NUP98: variants seen among roughly 807,000 people sequenced by gnomAD.
The protein encoded by NUP98 is nucleoporin 98 and 96 precursor.
Under a neutral mutation model 191.9 loss-of-function variants are expected in NUP98, and 26 were observed. That is an observed-to-expected ratio of 0.14 (90% confidence interval 0.10 to 0.19). The LOEUF is 0.19. Ranked by LOEUF, NUP98 falls within the 10% of genes least tolerant of loss-of-function variation. The pLI is 1.00. For synonymous variants in NUP98, 808 were observed against 778.4 expected (o/e 1.04, Z -0.63); for missense variants, 1,941 against 2,178.8 (o/e 0.89, Z 2.17).
intron 8 of NUP98, among the ~76,000 whole-genome samples, chr11:3,763,754 C>T (rs1371620783): frequency 6.6e-6 from 1 of 152,014 alleles, no homozygotes; most frequent in Non-Finnish European, 1.5e-5. Context: ...TCACAATGTG[C>T]CCAGGCTGGT....
At chr11:3,701,822 T>C (rs1419695661) in intron 23 of NUP98, among the ~76,000 whole-genome samples, 2 of 151,438 alleles carry the variant, frequency 1.3e-5, no homozygotes, top group African/African-American at 4.8e-5. Context: ...ACTAGCTGGG[T>C]CTACAGGCGC....
chr11:3,679,815 G>T, intron 30 of NUP98, 107 bp from the exon 31 acceptor site: 1 of 1,093,204 alleles, frequency 9.1e-7, no homozygotes. Flanking sequence ...ATGTTGGCTG[G>T]ACTTCAGAAG....
chr11:3,680,208 T>G (rs952562945), intron 30 of NUP98, among the ~76,000 whole-genome samples: 1 of 152,202 alleles, frequency 6.6e-6, no homozygotes, highest in African/African-American at 2.4e-5. Context: ...CAAACCCAGC[T>G]GCTGCTTTAT....
intron 2 of NUP98, among the ~76,000 whole-genome samples, chr11:3,779,855 C>T (rs1221664131): frequency 1.3e-5 from 2 of 148,458 alleles, no homozygotes; most frequent in African/African-American, 2.5e-5. Context: ...TGGCCGGGCA[C>T]GGTGGCTCAC....
intron 14 of NUP98, among the ~76,000 whole-genome samples, chr11:3,729,193 T>C (rs1458813699): frequency 1.3e-5 from 2 of 152,058 alleles, no homozygotes; most frequent in Non-Finnish European, 2.9e-5. Context: ...TGAGAATAAA[T>C]TGAAGCACTT....
At chr11:3,749,338 T>A (rs1057224311) in intron 11 of NUP98, among the ~76,000 whole-genome samples, 32 of 148,056 alleles carry the variant, frequency 2.2e-4, no homozygotes, top group Admixed American at 4.7e-4. Context: ...ATAAATAAAT[T>A]AAGAGGCCGG....
chr11:3,695,164 A>G (rs1182969928), intron 26 of NUP98, among the ~76,000 whole-genome samples: 1 of 152,212 alleles, frequency 6.6e-6, no homozygotes, highest in Non-Finnish European at 1.5e-5. Flanking sequence ...CCCTATCTCA[A>G]AAAAATTAAT....
chr11:3,729,617 G>GAGGT (rs1245607187), intron 14 of NUP98, among the ~76,000 whole-genome samples: 1 of 145,586 alleles, frequency 6.9e-6, no homozygotes, highest in Non-Finnish European at 1.5e-5. Flanking sequence ...CTTGGGAACT[G>GAGGT]AGGTGGGAGG....
At chr11:3,714,227 C>T (rs1286811064) in intron 18 of NUP98, among the ~76,000 whole-genome samples, 1 of 152,162 alleles carries the variant, frequency 6.6e-6, no homozygotes, top group Non-Finnish European at 1.5e-5. Context: ...ATTTAAATTA[C>T]CATGGTACAT....
At chr11:3,771,009 C>G (rs2081513371) in intron 7 of NUP98, among the ~76,000 whole-genome samples, 1 of 152,090 alleles carries the variant, frequency 6.6e-6, no homozygotes, top group Admixed American at 6.6e-5. Context: ...ATTACAGGTG[C>G]TTGTCACCAC....
Position 3,720,828 on chromosome 11 carries a change from G to GT in NUP98, c.2147-4dup. The GT allele has an allele frequency of 5.4e-6, 3 of 555,546 alleles. No homozygotes were observed. Among genetic ancestry groups the GT allele is most frequent in the East Asian group, 4.0e-5 (1 of 25,132 alleles). 34.4% of individuals were successfully genotyped at this position (555,546 alleles called of 1,614,324 possible). A position where few individuals can be genotyped will look rare whatever the true frequency, so the allele number is the denominator to read the frequency against. On this transcript the variant is annotated splice_polypyrimidine_tract_variant and splice_region_variant and intron_variant, in intron 16 of 32. Coordinates refer to ENST00000324932, the MANE Select transcript of NUP98 (RefSeq NM_016320.5). ...ACCAACCTTAGTGAGAATAATACCT[G>GT]TGACAAAAAAAAAAAAAAAAACAGA... is the stretch of plus-strand genomic sequence containing the variant.
At chr11:3,795,132 G>A (rs563612454) in intron 1 of NUP98, among the ~76,000 whole-genome samples, 43 of 152,076 alleles carry the variant, frequency 2.8e-4, no homozygotes, top group Non-Finnish European at 4.4e-4. Flanking sequence ...AGTTATCTAG[G>A]ACCTAGTAGA....
intron 7 of NUP98, among the ~76,000 whole-genome samples, chr11:3,768,985 G>A (rs145128140): frequency 2.5e-3 from 378 of 152,226 alleles, no homozygotes; most frequent in African/African-American, 8.6e-3. Flanking sequence ...ATCTTCCCTT[G>A]TAAGTCCACA....
At chr11:3,703,406 C>T (rs921478251) in intron 22 of NUP98, among the ~76,000 whole-genome samples, 2 of 152,026 alleles carry the variant, frequency 1.3e-5, no homozygotes, top group African/African-American at 4.8e-5. Context: ...TTAGTAGAGA[C>T]AGAGTTTCAC....
intron 20 of NUP98, among the ~76,000 whole-genome samples, chr11:3,709,055 CCTAA>C (rs1273292308): frequency 6.6e-6 from 1 of 152,114 alleles, no homozygotes; most frequent in African/African-American, 2.4e-5. Flanking sequence ...GCTGCCAATA[CCTAA>C]CGATACAGCA....
chr11:3,731,849 T>C (rs527319990), intron 13 of NUP98, among the ~76,000 whole-genome samples: 1 of 152,340 alleles, frequency 6.6e-6, no homozygotes, highest in South Asian at 2.1e-4. Context: ...GTATCCCAAA[T>C]GTGAAAATCC....
intron 20 of NUP98, among the ~76,000 whole-genome samples, chr11:3,711,200 G>A (rs1480945447): frequency 1.3e-5 from 2 of 151,556 alleles, no homozygotes; most frequent in Non-Finnish European, 2.9e-5. Context: ...AGCCGAGACT[G>A]CACCAGTGCA....
At chr11:3,702,307 ACACACACT>A (rs1434790193) in intron 23 of NUP98, among the ~76,000 whole-genome samples, 148 bp downstream of exon 23, 79 of 57,960 alleles carry the variant, frequency 1.4e-3, no homozygotes, top group Non-Finnish European at 2.1e-3. Context: ...ACACACACAC[ACACACACT>A]CTCTCTCTCT....
At chr11:3,696,585 G>C (rs11029108) in intron 25 of NUP98, 11,283 of 151,576 alleles carry the variant, frequency 0.074, 437 homozygotes, top group Middle Eastern at 0.12. Flanking sequence ...GAGGCAGGCG[G>C]ATCACCTGAG....
Sources: allele counts gnomAD v4.1 joint callset (sites outside exome capture counted in the v4.1 genomes callset), GRCh38; gene constraint gnomAD v4.1.1; transcripts MANE v1.5; gene names NCBI Gene and HGNC (gene_info 2026-07-23, HGNC 2026-07-21).